The following FCAMR variants were observed in gnomAD, a reference collection of about 807,000 sequenced individuals.
FCAMR encodes the protein high affinity immunoglobulin alpha and immunoglobulin mu Fc receptor.
Under a neutral mutation model 52.2 loss-of-function variants are expected in FCAMR, and 51 were observed. That is an observed-to-expected ratio of 0.98 (90% CI 0.78 to 1.23). FCAMR has a LOEUF of 1.23. Among genes scored for constraint, FCAMR ranks in the 50% most tolerant of loss-of-function variants. The probability of loss-of-function intolerance (pLI) is 0.00; values close to 1 mark genes in which losing one functional copy is unlikely to be tolerated. For synonymous variants in FCAMR, 282 were observed against 262.0 expected (o/e 1.08, Z -0.74); for missense variants, 719 against 712.6 (o/e 1.01, Z -0.10).
chr1:206,969,422 T>A (rs1680847148), intron 1 of FCAMR: 5 of 396,022 alleles, frequency 1.3e-5, no homozygotes, highest in Non-Finnish European at 2.6e-5. Flanking sequence ...CCTTCAGAAA[T>A]CCTTTCTCCA....
At chr1:206,960,356 T>C (rs1174131184) in intron 6 of FCAMR, 66 bp downstream of exon 6, 4 of 1,419,430 alleles carry the variant, frequency 2.8e-6, no homozygotes, top group African/African-American at 1.5e-5. Flanking sequence ...GAGAGGGGCC[T>C]CCCTTGCATG....
Position 206,958,659 on chromosome 1 carries a change from C to T in FCAMR, c.1591G>A (p.Val531Ile). The change falls in exon 8 of 8, where the codon GTC (valine) becomes ATC (isoleucine). Residue 531 changes from valine (V) to isoleucine (I), a missense_variant. Coordinates refer to ENST00000324852, the MANE Select transcript of FCAMR (RefSeq NM_001170631.2). ...RRRTSQEAER[V>I]TLIQMTHFLE... is the part of the protein sequence containing the mutation. ...AAATGTGTCATCTGAATTAAGGTGA[C>T]CCTTTCTGCCTCCTGAGCTGCAGAG... 1 of 1,614,022 alleles carries T rather than the reference C, an allele frequency of 6.2e-7. No homozygotes were observed. The highest frequency in any genetic ancestry group is 8.5e-7 in the Non-Finnish European group (1 of 1,180,032).
Position 206,960,667 on chromosome 1 carries a change from C to G in FCAMR, c.1209G>C (p.Gln403His). The change falls in exon 6 of 8, where the codon CAG (glutamine) becomes CAC (histidine). Residue 403 changes from glutamine (Q) to histidine (H), a missense_variant. By Grantham distance (24) the Gln-to-His change is conservative (BLOSUM62 0). Transcript: ENST00000324852. Reference protein sequence around the residue: ...QATPVSKQQSQGSIGETTPAA... With the variant: ...QATPVSKQQSHGSIGETTPAA... Reference sequence around the variant, plus strand: ...CTGGAGTTGTTTCTCCAATGGAACCCTGAGATTGTTGCTTAGAAACTGGCG... The same window carrying G: ...CTGGAGTTGTTTCTCCAATGGAACCGTGAGATTGTTGCTTAGAAACTGGCG... 1.9e-6 allele frequency: 3 copies of G among 1,552,020 alleles called. No individual in the cohort carries two copies. The highest frequency in any genetic ancestry group is 8.7e-7 in the Non-Finnish European group (1 of 1,147,054).
intron 4 of FCAMR, among the ~76,000 whole-genome samples, chr1:206,963,373 G>C (rs1367515838): frequency 6.6e-6 from 1 of 152,074 alleles, no homozygotes; most frequent in Non-Finnish European, 1.5e-5. Flanking sequence ...AAATGTGATG[G>C]GGTGCAAGCA....
intron 5 of FCAMR, 89 bp downstream of exon 5, chr1:206,962,124 G>A: frequency 7.7e-7 from 1 of 1,299,560 alleles, no homozygotes; most frequent in East Asian, 2.3e-5. Flanking sequence ...AATGTTTCAA[G>A]CCCTTCTGGG....
chr1:206,961,142 GC>G lies in FCAMR; in HGVS notation c.733del (p.Ala245ProfsTer12). The G allele has an allele frequency of 1.3e-6, 2 of 1,551,698 alleles. No homozygotes were observed. Among genetic ancestry groups the G allele is most frequent in the Non-Finnish European group, 1.7e-6 (2 of 1,146,996 alleles). ...MRSYGTASPVANRWTPGTTQT... is the reference protein window; with the variant it reads ...MRSYGTASPVXNRWTPGTTQT... ...GGTGGTTCCTGGGGTCCATCTGTTG[GC>G]CACTGGAGACGCTGTTCCATAGGAT... On this transcript the variant is annotated frameshift_variant, in exon 6 of 8. Transcript: ENST00000324852. LOFTEE classifies it high-confidence loss of function.
chr1:206,965,919 A>C, intron 3 of FCAMR, 61 bp from the exon 4 acceptor site: 1 of 1,607,446 alleles, frequency 6.2e-7, no homozygotes, highest in South Asian at 1.1e-5. Context: ...AAAGGCACCT[A>C]CAGAGGAAGA....
intron 3 of FCAMR, 47 bp from the exon 4 acceptor site, chr1:206,965,905 C>T: frequency 1.2e-6 from 2 of 1,609,424 alleles, no homozygotes; most frequent in Non-Finnish European, 1.7e-6. Context: ...ATCCATGTGT[C>T]CACAAAGGCA....
intron 4 of FCAMR, 30 bp downstream of exon 4, chr1:206,965,685 G>T: frequency 6.5e-7 from 1 of 1,533,672 alleles, no homozygotes; most frequent in Non-Finnish European, 8.7e-7. Flanking sequence ...TGAGGTCCAT[G>T]GTCGAACAAA....
intron 4 of FCAMR, among the ~76,000 whole-genome samples, chr1:206,964,938 G>A (rs187259315): frequency 1.6e-4 from 24 of 152,266 alleles, no homozygotes; most frequent in East Asian, 3.9e-4. Context: ...CTGTGTGACT[G>A]CACAGGCCCA....
intron 5 of FCAMR, 77 bp from the exon 6 acceptor site, chr1:206,961,300 T>A: frequency 8.2e-7 from 1 of 1,225,356 alleles, no homozygotes; most frequent in Non-Finnish European, 1.1e-6. Context: ...ACACCAGGTT[T>A]AAAATGTCTG....
At chr1:206,960,315 G>T in intron 6 of FCAMR, 107 bp downstream of exon 6, 1 of 1,184,608 alleles carries the variant, frequency 8.4e-7, no homozygotes, top group Non-Finnish European at 1.2e-6. Flanking sequence ...TCACTGTCTT[G>T]TGGGTACAAA....
chr1:206,965,553 C>T (rs1680669752), intron 4 of FCAMR, among the ~76,000 whole-genome samples, 162 bp downstream of exon 4: 1 of 152,128 alleles, frequency 6.6e-6, no homozygotes, highest in Non-Finnish European at 1.5e-5. Context: ...AGGTGGGTGC[C>T]CTGGCTCTCA....
At chr1:206,967,674 T>C in intron 1 of FCAMR, 23 bp from the exon 2 acceptor site, 1 of 1,612,432 alleles carries the variant, frequency 6.2e-7, no homozygotes, top group Non-Finnish European at 8.5e-7. Flanking sequence ...GGGGAATTGG[T>C]TTTTTCAAGG....
At position 206,959,502 on chromosome 1, in the gene FCAMR, GAAAGAAA is replaced by G. The variant is rs1466015192; in HGVS notation, c.1573+170_1573+176del. On this transcript the variant is annotated intron_variant, in intron 7 of 7. Transcript: ENST00000324852. ...AAAAAAAAAAAAAAAGAAAAGAAAA[GAAAGAAA>G]AAAAGAAAGAAAGAAAAGAAACCAA... 4.0e-3 allele frequency among the ~76,000 whole-genome samples: 602 copies of G among 149,398 alleles called. 6 individuals are homozygous for G. The highest frequency in any genetic ancestry group is 0.014 in the African/African-American group (570 of 40,342).
At chr1:206,958,752 C>T (rs752402633) in intron 7 of FCAMR, 76 bp from the exon 8 acceptor site, 76 of 1,580,002 alleles carry the variant, frequency 4.8e-5, no homozygotes, top group Non-Finnish European at 5.0e-5. Context: ...GAACCACTCC[C>T]AACCACTGCA....
Position 206,967,658 on chromosome 1 carries a change from G to A in FCAMR, c.40-7C>T. The A allele has an allele frequency of 6.2e-7, 1 of 1,613,930 alleles. No homozygotes were observed. Among genetic ancestry groups the A allele is most frequent in the Non-Finnish European group, 8.5e-7 (1 of 1,179,842 alleles). On this transcript the variant is annotated splice_region_variant and splice_polypyrimidine_tract_variant and intron_variant, in intron 1 of 7. Transcript: ENST00000324852. ...TTCCTCTCCTCACCACTTCCTGTTT[G>A]CAGAAGGGGAATTGGTTTTTTCAAG...
intron 6 of FCAMR, 118 bp downstream of exon 6, chr1:206,960,304 G>A: frequency 9.3e-7 from 1 of 1,077,964 alleles, no homozygotes; most frequent in Non-Finnish European, 1.3e-6. Flanking sequence ...CGATGTGTAT[G>A]TCACTGTCTT....
chr1:206,959,250 A>G (rs1436152204), intron 7 of FCAMR, among the ~76,000 whole-genome samples: 1 of 152,174 alleles, frequency 6.6e-6, no homozygotes, highest in Non-Finnish European at 1.5e-5. Context: ...TTGGGAGGCC[A>G]AGGATCACTT....
Sources: allele counts gnomAD v4.1 joint callset (sites outside exome capture counted in the v4.1 genomes callset), GRCh38; gene constraint gnomAD v4.1.1; transcripts MANE v1.5; gene names NCBI Gene and HGNC (gene_info 2026-07-23, HGNC 2026-07-21).